The following UBA3 variants were observed in gnomAD, a reference collection of about 807,000 sequenced individuals.
The protein encoded by UBA3 is ubiquitin like modifier activating enzyme 3.
UBA3 carries 26 observed loss-of-function variants against 73.5 expected under a neutral mutation model. The ratio of observed to expected loss-of-function variants is 0.35; its 90% CI spans 0.26 to 0.49. The LOEUF (loss-of-function observed/expected upper bound fraction) is 0.49. Ranked by LOEUF, UBA3 falls within the 20% of genes least tolerant of loss-of-function variation. UBA3 has a pLI of 0.98. For missense variants in UBA3, 495 were observed against 555.6 expected (o/e 0.89, Z 1.10); for synonymous variants, 217 against 191.2 (o/e 1.13, Z -1.11).
Position 69,077,914 on chromosome 3 carries a change from C to G in UBA3, c.67G>C (p.Ala23Pro). Residue 23 changes from alanine to proline, a missense_variant, in exon 3 of 18, where the codon GCT becomes CCT. Transcript: ENST00000361055. ...RIEELLAEKM[A>P]VDGGCGDTGD... ...GTGTCCCCACACCCACCATCAACAG[C>G]CATTCTGCACAGAACACAGTAAATT... The G allele has an allele frequency of 1.2e-6, 2 of 1,613,734 alleles. No individual in the cohort carries two copies. The highest frequency in any genetic ancestry group is 1.7e-6 in the Non-Finnish European group (2 of 1,179,910).
chr3:69,062,024 T>C (rs748238781), intron 10 of UBA3, 53 bp downstream of exon 10: 155 of 1,448,454 alleles, frequency 1.1e-4, no homozygotes, highest in Non-Finnish European at 1.4e-4. Flanking sequence ...AGGAATAATA[T>C]AGAAAAAATA....
At position 69,067,471 on chromosome 3, in the gene UBA3, T is replaced by G. The variant is rs114194972; in HGVS notation, c.428+457A>C. Among the ~76,000 whole-genome samples the G allele has an allele frequency of 7.9e-3, 1,202 of 152,316 alleles. 19 individuals are homozygous for G. Among genetic ancestry groups the G allele is most frequent in the African/African-American group, 0.027 (1,107 of 41,576 alleles). The stretch of plus-strand genomic sequence containing the variant: ...AAGTTCTCCAGATCTAAATTCAAAC[T>G]ACAGTGTAAATACTCCTTTTTAAAA... On this transcript the variant is annotated intron_variant, in intron 6 of 17. Transcript: ENST00000361055.
intron 4 of UBA3, among the ~76,000 whole-genome samples, chr3:69,074,060 C>G (rs1204433245): frequency 6.6e-6 from 1 of 152,132 alleles, no homozygotes; most frequent in Non-Finnish European, 1.5e-5. Flanking sequence ...TAAAAGATTA[C>G]TATAATGCAA....
At chr3:69,070,990 T>C (rs1423836106) in intron 5 of UBA3, 1 of 152,830 alleles carries the variant, frequency 6.5e-6, no homozygotes, top group Admixed American at 6.6e-5. Flanking sequence ...CTCCTTGATG[T>C]TCTCTATATT....
At chr3:69,072,824 G>A (rs2107497860) in intron 4 of UBA3, among the ~76,000 whole-genome samples, 1 of 152,230 alleles carries the variant, frequency 6.6e-6, no homozygotes, top group Middle Eastern at 3.4e-3. Context: ...CTTCCTCATT[G>A]CAGTAACTCC....
chr3:69,066,086 C>T (rs1398702052), intron 6 of UBA3, among the ~76,000 whole-genome samples: 1 of 152,134 alleles, frequency 6.6e-6, no homozygotes, highest in African/African-American at 2.4e-5. Context: ...GTCTTTCACA[C>T]AGCAAGTTTT....
Position 69,063,507 on chromosome 3 carries a change from C to CAA in UBA3, c.473-6_473-5dup, listed in dbSNP as rs748063451. The stretch of plus-strand genomic sequence containing the variant: ...CCACATACAATAATATGAAATTCTA[C>CAA]AAAAAAAAAAAAAAGCAACTTTAGT... On this transcript the variant is annotated splice_region_variant and splice_polypyrimidine_tract_variant and intron_variant, in intron 7 of 17. Transcript: ENST00000361055. 1.1e-3 allele frequency: 1,274 copies of CAA among 1,139,778 alleles called. No individual in the cohort carries two copies. Among genetic ancestry groups the CAA allele is most frequent in the South Asian group, 2.1e-3 (121 of 57,432 alleles). 70.6% of individuals were successfully genotyped at this position (1,139,778 alleles called of 1,614,324 possible).
chr3:69,079,865 C>T, intron 2 of UBA3: 1 of 496,654 alleles, frequency 2.0e-6, no homozygotes, highest in African/African-American at 2.1e-5. Flanking sequence ...CGTCAAGCAC[C>T]CCGGAGGGCC....
intron 2 of UBA3, among the ~76,000 whole-genome samples, chr3:69,078,438 T>C (rs2092187679): frequency 6.6e-6 from 1 of 152,222 alleles, no homozygotes; most frequent in African/African-American, 2.4e-5. Context: ...AGAGGAATTT[T>C]CACACACTTT....
chr3:69,065,316 G>C (rs1175480246), intron 6 of UBA3, among the ~76,000 whole-genome samples: 2 of 150,014 alleles, frequency 1.3e-5, no homozygotes, highest in Admixed American at 1.3e-4. Context: ...AAATAATATA[G>C]ATTCGCAGTA....
intron 2 of UBA3, 180 bp downstream of exon 2, chr3:69,079,932 G>A (rs1267654106): frequency 3.5e-6 from 2 of 565,216 alleles, no homozygotes; most frequent in Admixed American, 7.8e-5. Context: ...GGCAGATACC[G>A]GGAGCGGCCC....
rs778048000 is a variant in UBA3 at position 69,061,828 on chromosome 3, T to C, written c.896A>G (p.Tyr299Cys). 6.2e-6 allele frequency: 10 copies of C among 1,603,340 alleles called. No homozygotes were observed. The South Asian group carries it at 1.1e-4, about 18-fold the overall frequency. ...TGCTGACTTACCTTGAGTGAGCCTA[T>C]ACGTAACACCCCTAATATTATATTG... ...ASQYNIRGVT[Y>C]RLTQGVVKRI... is the part of the protein sequence containing the mutation. The change falls in exon 11 of 18, where the codon TAT (tyrosine) becomes TGT (cysteine). Residue 299 changes from tyrosine to cysteine, a missense_variant. Coordinates refer to ENST00000361055, the MANE Select transcript of UBA3 (RefSeq NM_003968.4).
intron 13 of UBA3, 33 bp from the exon 14 acceptor site, chr3:69,056,726 T>C (rs1266193491): frequency 6.2e-7 from 1 of 1,608,850 alleles, no homozygotes; most frequent in Non-Finnish European, 8.5e-7. Flanking sequence ...TTTATATAAT[T>C]AAACCAAGTC....
At chr3:69,055,731 G>A in intron 17 of UBA3, 120 bp downstream of exon 17, 2 of 1,016,876 alleles carry the variant, frequency 2.0e-6, no homozygotes, top group East Asian at 2.4e-5. Context: ...AAAGTTGTAA[G>A]TAATTATTAC....
intron 2 of UBA3, among the ~76,000 whole-genome samples, chr3:69,079,588 T>C (rs146624785): frequency 5.9e-5 from 9 of 152,354 alleles, no homozygotes; most frequent in African/African-American, 1.9e-4. Flanking sequence ...AATAGGCTGT[T>C]TGAAGTCAAC....
chr3:69,079,995 T>G (rs1378834130), intron 2 of UBA3, 117 bp downstream of exon 2: 21 of 955,704 alleles, frequency 2.2e-5, no homozygotes, highest in Non-Finnish European at 3.1e-6. Context: ...CAGCGCGGCC[T>G]GCGCTCCGGG....
Position 69,077,922 on chromosome 3 carries a change from CACAGA to C in UBA3, c.63-9_63-5del, listed in dbSNP as rs1195556266. On this transcript the variant is annotated splice_region_variant and splice_polypyrimidine_tract_variant and intron_variant, in intron 2 of 17. Transcript: ENST00000361055. ...ACACCCACCATCAACAGCCATTCTGCACAGAACACAGTAAATTCAGCTGCAAAGAT... is the reference window on the plus strand; with the variant it reads ...ACACCCACCATCAACAGCCATTCTGCACACAGTAAATTCAGCTGCAAAGAT... The C allele has an allele frequency of 6.2e-7, 1 of 1,612,816 alleles. No individual in the cohort carries two copies. The highest frequency in any genetic ancestry group is 8.5e-7 in the Non-Finnish European group (1 of 1,179,718).
intron 6 of UBA3, among the ~76,000 whole-genome samples, chr3:69,064,670 A>C (rs2092053540): frequency 6.6e-6 from 1 of 152,164 alleles, no homozygotes. Context: ...TCAGTTTTCA[A>C]GTTACCCTAC....
Position 69,061,887 on chromosome 3 carries a change from T to C in UBA3, c.837A>G (p.Gln279=). The change falls in exon 11 of 18, where the codon CAA becomes CAG. Residue 279 remains glutamine, a synonymous_variant. Transcript: ENST00000361055. ...PLDGDDPEHI[Q]WIFQKSLERA... ...TCTCTAGGGATTTTTGGAAAATCCA[T>C]TGTATATGTTCAGGATCATCTCCAT... 3.1e-6 allele frequency: 5 copies of C among 1,612,012 alleles called. No individual in the cohort carries two copies. Among genetic ancestry groups the C allele is most frequent in the Non-Finnish European group, 4.2e-6 (5 of 1,179,264 alleles).
Sources: allele counts gnomAD v4.1 joint callset (sites outside exome capture counted in the v4.1 genomes callset), GRCh38; gene constraint gnomAD v4.1.1; transcripts MANE v1.5; gene names NCBI Gene and HGNC (gene_info 2026-07-23, HGNC 2026-07-21).